Variants in HS6ST2 observed in about 807,000 individuals in gnomAD.
HS6ST2 encodes heparan-sulfate 6-O-sulfotransferase 2.
HS6ST2 carries 17 observed loss-of-function variants against 33.0 expected under a neutral mutation model. That is an observed-to-expected ratio of 0.52 (90% CI 0.35 to 0.77). The LOEUF (loss-of-function observed/expected upper bound fraction) is 0.77, where lower values mean the gene tolerates loss of function less well. HS6ST2 is among the 30% of genes least tolerant of loss of function. HS6ST2 has a pLI of 0.01. For missense variants in HS6ST2, 519 were observed against 551.7 expected, an observed-to-expected ratio of 0.94 and a Z score of 0.59; for synonymous variants, 248 against 237.1, an observed-to-expected ratio of 1.05 and a Z score of -0.42.
At chrX:132,927,608 C>A (rs1376907011) in intron 2 of HS6ST2, among the ~76,000 whole-genome samples, 1 of 111,350 alleles carries the variant, frequency 9.0e-6, no homozygotes, top group Non-Finnish European at 1.9e-5. Flanking sequence ...GTTATGGATC[C>A]TTGGGGACTG....
intron 4 of HS6ST2, among the ~76,000 whole-genome samples, chrX:132,650,741 A>ATCTCTC (rs3066707): frequency 0.31 from 26,767 of 86,966 alleles, 4,176 homozygotes; most frequent in East Asian, 0.42. Flanking sequence ...CATAGGAGGG[A>ATCTCTC]TCTCTCTCTC....
chrX:132,899,940 TATC>T (rs1351563198), intron 2 of HS6ST2, among the ~76,000 whole-genome samples: 1 of 111,217 alleles, frequency 9.0e-6, no homozygotes, highest in African/African-American at 3.3e-5. Flanking sequence ...ACTGACACCT[TATC>T]ATTCTATTTA....
intron 2 of HS6ST2, among the ~76,000 whole-genome samples, chrX:132,864,992 T>A (rs1322964421): frequency 9.0e-6 from 1 of 110,917 alleles, no homozygotes; most frequent in Non-Finnish European, 1.9e-5. Context: ...TTATTATTAT[T>A]ATACTTTAAA....
At position 132,637,835 on chromosome X, in the gene HS6ST2, TA is replaced by T. The variant is rs1485152408; in HGVS notation, c.1068-8743del. On this transcript the variant is annotated intron_variant, in intron 4 of 4. Transcript: ENST00000370833. ...TATTTTATATATATAATATTATATA[TA>T]ATATTTTATATATAATATATATATA... Among the ~76,000 whole-genome samples, 16 of 44,146 alleles carry T rather than the reference TA, an allele frequency of 3.6e-4. 1 individual carries two copies. In the South Asian group the frequency reaches 6.1e-3, roughly 17 times the overall value. 38.3% of individuals were successfully genotyped at this position (44,146 alleles called of 115,157 possible). A position where few individuals can be genotyped will look rare whatever the true frequency, so the allele number is the denominator to read the frequency against.
In HS6ST2 at chrX:132,669,347, C is replaced by A. The variant is rs2063841044; in HGVS notation, c.981-148G>T. 1.0e-5 allele frequency: 4 copies of A among 381,434 alleles called. No individual in the cohort carries two copies. In the East Asian group the frequency reaches 1.8e-4, roughly 17 times the overall value. 31.4% of individuals were successfully genotyped at this position (381,434 alleles called of 1,213,427 possible). A position where few individuals can be genotyped will look rare whatever the true frequency, so the allele number is the denominator to read the frequency against. Reference sequence around the variant, plus strand: ...CAATCTCTCTCTCTCTCTCTCTCTCCTGTCAAAGTATGATCTTATCCAGTT... The same window carrying A: ...CAATCTCTCTCTCTCTCTCTCTCTCATGTCAAAGTATGATCTTATCCAGTT... On this transcript the variant is annotated intron_variant, in intron 3 of 4. Coordinates refer to ENST00000370833, the MANE Select transcript of HS6ST2 (RefSeq NM_001394073.1).
At chrX:132,869,896 A>G (rs1045490837) in intron 2 of HS6ST2, among the ~76,000 whole-genome samples, 12 of 111,686 alleles carry the variant, frequency 1.1e-4, no homozygotes, top group African/African-American at 3.6e-4. Flanking sequence ...TATTCAACAT[A>G]GTATTGGAAG....
At chrX:132,926,298 G>T (rs2066709690) in intron 2 of HS6ST2, among the ~76,000 whole-genome samples, 1 of 112,389 alleles carries the variant, frequency 8.9e-6, no homozygotes, top group African/African-American at 3.2e-5. Flanking sequence ...CTGCTCTTGG[G>T]CTTGGCAACT....
intron 2 of HS6ST2, among the ~76,000 whole-genome samples, chrX:132,911,058 GA>G (rs2066528003): frequency 9.2e-6 from 1 of 109,038 alleles, no homozygotes; most frequent in Admixed American, 9.8e-5. Context: ...GCTGAGGCAG[GA>G]GAATCACTTG....
chrX:132,786,362 G>T, intron 2 of HS6ST2, among the ~76,000 whole-genome samples: 1 of 111,136 alleles, frequency 9.0e-6, no homozygotes, highest in Middle Eastern at 4.6e-3. Context: ...TGAAGATGTG[G>T]CATAATTGGG....
chrX:132,739,927 A>T (rs1476436068), intron 2 of HS6ST2, among the ~76,000 whole-genome samples: 2 of 111,517 alleles, frequency 1.8e-5, no homozygotes, highest in Non-Finnish European at 3.8e-5. Flanking sequence ...AGACATTCAG[A>T]GTCTTGTTTT....
chrX:132,705,351 G>A lies in HS6ST2; in HGVS notation c.980+3111C>T, dbSNP rs566307193. Reference sequence around the variant, plus strand: ...CTCCAAAGAGGTCAAGAAGACTGAGGCCAGGGAAGAGGCCATTGAATTGTG... The same window carrying A: ...CTCCAAAGAGGTCAAGAAGACTGAGACCAGGGAAGAGGCCATTGAATTGTG... On this transcript the variant is annotated intron_variant, in intron 3 of 4. Transcript: ENST00000370833. 2.7e-5 allele frequency among the ~76,000 whole-genome samples: 3 copies of A among 111,467 alleles called. No homozygotes were observed. In the South Asian group the frequency reaches 1.2e-3, roughly 43 times the overall value.
At chrX:132,635,859 T>G (rs958618324) in intron 4 of HS6ST2, among the ~76,000 whole-genome samples, 1 of 111,292 alleles carries the variant, frequency 9.0e-6, no homozygotes, top group African/African-American at 3.3e-5. Context: ...CACAGGTGCT[T>G]TGCCTCTGTA....
chrX:132,671,446 C>CTTT (rs138709239), intron 3 of HS6ST2, among the ~76,000 whole-genome samples: 2 of 91,255 alleles, frequency 2.2e-5, no homozygotes, highest in Non-Finnish European at 4.4e-5. Flanking sequence ...CATTCATTCA[C>CTTT]TTTTTTTTTT....
chrX:132,852,709 T>C lies in HS6ST2; in HGVS notation c.947+104099A>G, dbSNP rs189761903. On this transcript the variant is annotated intron_variant, in intron 2 of 4. Coordinates refer to ENST00000370833, the MANE Select transcript of HS6ST2 (RefSeq NM_001394073.1). ...ATCAATTAATGAGCCTAGGGACCCA[T>C]CCCTGTATAGAATTCCGATTATGGC... Among the ~76,000 whole-genome samples the C allele has an allele frequency of 2.7e-5, 3 of 112,342 alleles. No homozygotes were observed. The East Asian group carries it at 8.4e-4, about 32-fold the overall frequency.
At chrX:132,748,044 G>A (rs1051645659) in intron 2 of HS6ST2, among the ~76,000 whole-genome samples, 17 of 111,521 alleles carry the variant, frequency 1.5e-4, no homozygotes, top group African/African-American at 4.2e-4. Flanking sequence ...GCCAGTTAGC[G>A]TGTTCATGAA....
chrX:132,688,029 G>A (rs371840789), intron 3 of HS6ST2, among the ~76,000 whole-genome samples: 3 of 112,574 alleles, frequency 2.7e-5, no homozygotes, highest in South Asian at 7.3e-4. Flanking sequence ...GATTACAGGC[G>A]TGAGCCACCA....
intron 2 of HS6ST2, among the ~76,000 whole-genome samples, chrX:132,928,527 C>G (rs907918194): frequency 2.1e-4 from 3 of 14,516 alleles, no homozygotes; most frequent in Non-Finnish European, 3.5e-4. Flanking sequence ...TACCTCCCAC[C>G]GGGCCCCACC....
chrX:132,650,741 A>ATC (rs3066707), intron 4 of HS6ST2, among the ~76,000 whole-genome samples: 3,051 of 87,289 alleles, frequency 0.035, 59 homozygotes, highest in African/African-American at 0.076. Flanking sequence ...CATAGGAGGG[A>ATC]TCTCTCTCTC....
intron 2 of HS6ST2, among the ~76,000 whole-genome samples, chrX:132,777,635 C>T (rs760718660): frequency 1.8e-4 from 18 of 100,226 alleles, no homozygotes; most frequent in East Asian, 6.3e-4. Flanking sequence ...TCAGTAGAGA[C>T]GAGGTTTCAC....
Sources: gnomAD v4.1 joint callset for allele counts (sites outside exome capture counted in the v4.1 genomes callset) on GRCh38, gnomAD v4.1.1 for gene constraint, MANE v1.5 for transcripts, NCBI Gene and HGNC (gene_info 2026-07-23, HGNC 2026-07-21) for gene names.